Variants in CAB39L observed in about 807,000 individuals in gnomAD.
The protein encoded by CAB39L is calcium-binding protein 39-like.
In CAB39L, 23 loss-of-function variants were observed where a neutral mutation model predicts 39.1. That is an observed-to-expected ratio of 0.59 (90% confidence interval 0.42 to 0.83). CAB39L has a LOEUF of 0.83. CAB39L is among the 40% of genes least tolerant of loss of function. CAB39L has a pLI of 0.00. For synonymous variants in CAB39L, 126 were observed against 137.2 expected (o/e 0.92, Z 0.57); for missense variants, 366 against 391.9 (o/e 0.93, Z 0.56).
chr13:49,338,360 A>G (rs543358432), intron 9 of CAB39L, among the ~76,000 whole-genome samples: 5 of 151,910 alleles, frequency 3.3e-5, no homozygotes, highest in African/African-American at 1.2e-4. Context: ...AGGGACATGG[A>G]TGAAATTGGA....
At chr13:49,323,474 C>T (rs1954411090) in intron 10 of CAB39L, among the ~76,000 whole-genome samples, 1 of 152,220 alleles carries the variant, frequency 6.6e-6, no homozygotes, top group South Asian at 2.1e-4. Context: ...TTCCCGGAGG[C>T]CTTCAGCTCC....
chr13:49,359,969 T>TA, intron 5 of CAB39L, 137 bp from the exon 6 acceptor site: 1 of 558,428 alleles, frequency 1.8e-6, no homozygotes, highest in Non-Finnish European at 3.1e-6. Context: ...AACGTTAACT[T>TA]ACTCTTCCCA....
intron 10 of CAB39L, among the ~76,000 whole-genome samples, chr13:49,321,964 A>T (rs1209791445): frequency 6.6e-6 from 1 of 152,230 alleles, no homozygotes; most frequent in Non-Finnish European, 1.5e-5. Flanking sequence ...CGGAGTTTTT[A>T]AAAAGTTTTT....
intron 3 of CAB39L, among the ~76,000 whole-genome samples, chr13:49,425,405 A>G (rs765362764): frequency 1.3e-5 from 2 of 152,230 alleles, no homozygotes; most frequent in Non-Finnish European, 2.9e-5. Flanking sequence ...ACAAAAATAT[A>G]GGCATATGTA....
intron 6 of CAB39L, 112 bp downstream of exon 6, chr13:49,359,602 C>T: frequency 1.7e-6 from 1 of 597,678 alleles, no homozygotes; most frequent in Non-Finnish European, 3.0e-6. Flanking sequence ...TGACAAATAC[C>T]TTTACTGCAG....
At chr13:49,319,401 G>A (rs540161870) in intron 10 of CAB39L, among the ~76,000 whole-genome samples, 2 of 152,048 alleles carry the variant, frequency 1.3e-5, no homozygotes, top group African/African-American at 4.8e-5. Flanking sequence ...CAGATCCATG[G>A]AGCCAGAAAG....
intron 3 of CAB39L, among the ~76,000 whole-genome samples, chr13:49,425,768 A>G (rs921800549): frequency 6.6e-6 from 1 of 152,184 alleles, no homozygotes; most frequent in Non-Finnish European, 1.5e-5. Flanking sequence ...TAAAATACAG[A>G]GGGAAATGTT....
intron 9 of CAB39L, 27 bp from the exon 10 acceptor site, chr13:49,332,117 G>A: frequency 6.2e-7 from 1 of 1,606,346 alleles, no homozygotes. Flanking sequence ...AACCAAAGCT[G>A]TAATCTCAGA....
chr13:49,362,633 T>C (rs1040499612), intron 5 of CAB39L, among the ~76,000 whole-genome samples: 2 of 151,684 alleles, frequency 1.3e-5, no homozygotes, highest in African/African-American at 2.4e-5. Flanking sequence ...ATCTAAGACT[T>C]ACTGACCTTA....
intron 3 of CAB39L, among the ~76,000 whole-genome samples, chr13:49,422,161 C>T (rs1318270277): frequency 3.3e-5 from 5 of 152,174 alleles, no homozygotes; most frequent in African/African-American, 4.8e-5. Flanking sequence ...TAACACTCCA[C>T]TGACATTGCA....
intron 3 of CAB39L, among the ~76,000 whole-genome samples, chr13:49,386,685 G>A (rs1956368757): frequency 6.6e-6 from 1 of 151,860 alleles, no homozygotes; most frequent in African/African-American, 2.4e-5. Flanking sequence ...CAAAGTTCAT[G>A]CTCTTAAACT....
chr13:49,340,316 A>G (rs879840075), intron 8 of CAB39L, among the ~76,000 whole-genome samples: 2 of 152,308 alleles, frequency 1.3e-5, no homozygotes, highest in Admixed American at 1.3e-4. Flanking sequence ...TTTAACACAG[A>G]GTGCTGGCAT....
At chr13:49,380,661 T>C (rs930011322) in intron 4 of CAB39L, among the ~76,000 whole-genome samples, 1 of 152,186 alleles carries the variant, frequency 6.6e-6, no homozygotes, top group African/African-American at 2.4e-5. Context: ...GTATGTTAAT[T>C]TTTAATATCT....
intron 10 of CAB39L, among the ~76,000 whole-genome samples, chr13:49,329,939 C>T (rs1954639526): frequency 6.6e-6 from 1 of 152,144 alleles, no homozygotes. Flanking sequence ...ATTTATCTAA[C>T]TGCATGCTGG....
intron 3 of CAB39L, among the ~76,000 whole-genome samples, chr13:49,408,671 A>G (rs2138677881): frequency 6.6e-6 from 1 of 152,218 alleles, no homozygotes; most frequent in South Asian, 2.1e-4. Flanking sequence ...CCAAAAAAAT[A>G]CATACAAAAA....
intron 5 of CAB39L, among the ~76,000 whole-genome samples, chr13:49,372,145 G>GT (rs1162789851): frequency 2.0e-5 from 3 of 152,096 alleles, no homozygotes; most frequent in Non-Finnish European, 2.9e-5. Flanking sequence ...GTCTTGAATA[G>GT]TAGCCAAACC....
At position 49,362,280 on chromosome 13, in the gene CAB39L, T is replaced by C. The variant is rs559287208; in HGVS notation, c.277-2448A>G. 1.4e-4 allele frequency among the ~76,000 whole-genome samples: 22 copies of C among 151,974 alleles called. No individual in the cohort carries two copies. The South Asian group carries it at 1.7e-3, about 12-fold the overall frequency. On this transcript the variant is annotated intron_variant, in intron 5 of 10. Coordinates refer to ENST00000409308, the MANE Select transcript of CAB39L (RefSeq NM_001079670.3). ...ACACCAGGGACCAATCCTGGGACAA[T>C]AGAGATATATGACCTTTCAGACAGA...
chr13:49,422,484 G>A (rs1957184899), intron 3 of CAB39L, among the ~76,000 whole-genome samples: 1 of 152,200 alleles, frequency 6.6e-6, no homozygotes, highest in East Asian at 1.9e-4. Flanking sequence ...TGAGGCAGAA[G>A]AATGGCTTGA....
At chr13:49,396,822 T>C (rs1286091645) in intron 3 of CAB39L, among the ~76,000 whole-genome samples, 1 of 152,188 alleles carries the variant, frequency 6.6e-6, no homozygotes, top group African/African-American at 2.4e-5. Context: ...CAAAAAATTG[T>C]GCCTGTAAGA....
Sources: allele counts gnomAD v4.1 joint callset (sites outside exome capture counted in the v4.1 genomes callset), GRCh38; gene constraint gnomAD v4.1.1; transcripts MANE v1.5; gene names NCBI Gene and HGNC (gene_info 2026-07-23, HGNC 2026-07-21).